RBM47: variants seen among roughly 807,000 people sequenced by gnomAD.
The protein encoded by RBM47 is RNA binding motif protein 47, also known as RNA-binding protein 47.
Under a neutral mutation model 47.1 loss-of-function variants are expected in RBM47, and 21 were observed. That is an observed-to-expected ratio of 0.45 (90% CI 0.32 to 0.64). The LOEUF is 0.64. Ranked by LOEUF, RBM47 falls within the 30% of genes least tolerant of loss-of-function variation. RBM47 has a pLI of 0.05. For missense variants in RBM47, 708 were observed against 870.9 expected, an observed-to-expected ratio of 0.81 and a Z score of 2.35; for synonymous variants, 375 against 361.7, an observed-to-expected ratio of 1.04 and a Z score of -0.42.
chr4:40,584,521 T>C (rs1039946923), intron 1 of RBM47, among the ~76,000 whole-genome samples: 1 of 152,234 alleles, frequency 6.6e-6, no homozygotes, highest in African/African-American at 2.4e-5. Context: ...CCTTTCAACA[T>C]GTAATCAGTA....
intron 1 of RBM47, among the ~76,000 whole-genome samples, chr4:40,571,327 A>C (rs1731684388): frequency 6.6e-6 from 1 of 152,142 alleles, no homozygotes; most frequent in Admixed American, 6.5e-5. Context: ...AATTTAGTAA[A>C]TGATAAAAGA....
At chr4:40,448,351 C>G (rs986854164) in intron 3 of RBM47, among the ~76,000 whole-genome samples, 1 of 151,962 alleles carries the variant, frequency 6.6e-6, no homozygotes, top group African/African-American at 2.4e-5. Context: ...CTTGGGAGAG[C>G]TTTATTTGCT....
chr4:40,542,077 G>A (rs1044652650), intron 2 of RBM47, among the ~76,000 whole-genome samples: 1 of 152,130 alleles, frequency 6.6e-6, no homozygotes, highest in Admixed American at 6.6e-5. Context: ...GATTTGGGGA[G>A]AATTCAAAGG....
intron 1 of RBM47, among the ~76,000 whole-genome samples, chr4:40,574,024 T>C (rs958910491): frequency 1.3e-5 from 2 of 152,178 alleles, no homozygotes; most frequent in African/African-American, 2.4e-5. Context: ...AAAGCTTTCA[T>C]AGCAACCGAA....
intron 2 of RBM47, among the ~76,000 whole-genome samples, chr4:40,486,761 G>C (rs1436146930): frequency 6.6e-6 from 1 of 152,208 alleles, no homozygotes; most frequent in Non-Finnish European, 1.5e-5. Context: ...AGAAGTTCAG[G>C]CAGGAGGACT....
At chr4:40,597,764 TTAAA>T (rs934448960) in intron 1 of RBM47, among the ~76,000 whole-genome samples, 13 of 152,182 alleles carry the variant, frequency 8.5e-5, no homozygotes, top group African/African-American at 2.7e-4. Flanking sequence ...GTAAAAGGCA[TTAAA>T]TAAATAAGCA....
At chr4:40,625,070 G>A (rs796365709) in intron 1 of RBM47, among the ~76,000 whole-genome samples, 1 of 151,708 alleles carries the variant, frequency 6.6e-6, no homozygotes, top group Non-Finnish European at 1.5e-5. Flanking sequence ...GGCTGATCTC[G>A]AACTCCTGAC....
intron 1 of RBM47, among the ~76,000 whole-genome samples, chr4:40,611,411 T>C (rs549902323): frequency 1.3e-5 from 2 of 152,260 alleles, no homozygotes; most frequent in African/African-American, 4.8e-5. Flanking sequence ...GAGTTGTTGC[T>C]ACTCAAAAGA....
chr4:40,597,537 A>G (rs1403469214), intron 1 of RBM47, among the ~76,000 whole-genome samples: 83 of 146,968 alleles, frequency 5.6e-4, no homozygotes, highest in South Asian at 1.8e-3. Context: ...AGGCGAGATC[A>G]CGCCACTGCA....
At chr4:40,430,098 G>A (rs1291077885) in intron 6 of RBM47, among the ~76,000 whole-genome samples, 2 of 151,652 alleles carry the variant, frequency 1.3e-5, no homozygotes, top group African/African-American at 2.4e-5. Context: ...AGGAGGCTGA[G>A]GCCGGAGAAT....
intron 1 of RBM47, among the ~76,000 whole-genome samples, chr4:40,594,148 T>C (rs1734543123): frequency 6.6e-6 from 1 of 151,750 alleles, no homozygotes; most frequent in Non-Finnish European, 1.5e-5. Flanking sequence ...AATATGAAAA[T>C]CTCCACGCTG....
Position 40,532,773 on chromosome 4 carries a change from G to A in RBM47, c.-155+11649C>T, listed in dbSNP as rs187169861. Among the ~76,000 whole-genome samples the A allele has an allele frequency of 7.9e-5, 12 of 150,982 alleles. No individual in the cohort carries two copies. The East Asian group carries it at 1.6e-3, about 20-fold the overall frequency. ...ATTTTTGAGACCCCCTTCAACTAAC[G>A]TACAGATATGTCTGTGTATATTTAA... is the stretch of plus-strand genomic sequence containing the variant. On this transcript the variant is annotated intron_variant, in intron 2 of 6. Coordinates refer to ENST00000295971, the MANE Select transcript of RBM47 (RefSeq NM_001098634.2).
intron 1 of RBM47, among the ~76,000 whole-genome samples, chr4:40,568,461 G>GTT (rs1731316361): frequency 6.9e-6 from 1 of 144,928 alleles, no homozygotes; most frequent in Non-Finnish European, 1.5e-5. Context: ...AAAAAGGGTG[G>GTT]TCTCTATCAT....
chr4:40,437,073 CAAAA>C (rs750922605), intron 4 of RBM47, among the ~76,000 whole-genome samples: 4 of 21,288 alleles, frequency 1.9e-4, no homozygotes, highest in Admixed American at 1.1e-3. Flanking sequence ...GACCCTGTCT[CAAAA>C]AAAAAAAAAA....
At chr4:40,448,300 A>AGT (rs142525082) in intron 3 of RBM47, among the ~76,000 whole-genome samples, 14,730 of 151,628 alleles carry the variant, frequency 0.097, 707 homozygotes, top group Middle Eastern at 0.12. Flanking sequence ...TGTGTGTTTG[A>AGT]GTGTGTGTGT....
intron 5 of RBM47, among the ~76,000 whole-genome samples, chr4:40,435,885 G>A (rs765195401): frequency 9.9e-5 from 15 of 151,558 alleles, no homozygotes; most frequent in Non-Finnish European, 1.9e-4. Flanking sequence ...ATGGCCAGGC[G>A]CAGTGGCTCA....
chr4:40,456,571 C>CTTTTTTTTTTTT (rs34320480), intron 3 of RBM47, among the ~76,000 whole-genome samples: 17 of 112,568 alleles, frequency 1.5e-4, no homozygotes, highest in East Asian at 5.2e-4. Context: ...TTTCTTTTTT[C>CTTTTTTTTTTTT]TTTTTTTTTT....
chr4:40,597,183 C>G (rs924408262), intron 1 of RBM47, among the ~76,000 whole-genome samples: 1 of 152,116 alleles, frequency 6.6e-6, no homozygotes, highest in African/African-American at 2.4e-5. Context: ...TCACTTGAAC[C>G]CAGGAGGCGG....
chr4:40,493,440 A>G (rs1389721572), intron 2 of RBM47, among the ~76,000 whole-genome samples: 1 of 152,164 alleles, frequency 6.6e-6, no homozygotes, highest in Non-Finnish European at 1.5e-5. Context: ...GTGCTCAAAG[A>G]ATGTGAAATT....
Sources: allele counts gnomAD v4.1 joint callset (sites outside exome capture counted in the v4.1 genomes callset), GRCh38; gene constraint gnomAD v4.1.1; transcripts MANE v1.5; gene names NCBI Gene and HGNC (gene_info 2026-07-23, HGNC 2026-07-21).